DDR2: variants seen among roughly 807,000 people sequenced by gnomAD.
DDR2 encodes the protein discoidin domain-containing receptor 2.
In DDR2, 27 loss-of-function variants were observed where a neutral mutation model predicts 94.9. The observed-to-expected ratio is 0.28, with a 90% confidence interval of 0.21 to 0.39. The LOEUF (loss-of-function observed/expected upper bound fraction) is 0.39, where lower values mean the gene tolerates loss of function less well. DDR2 is among the 10% of genes least tolerant of loss of function. The pLI, the probability that DDR2 is intolerant of heterozygous loss-of-function variation, is 1.00. For missense variants in DDR2, 783 were observed against 1,076.0 expected (o/e 0.73, Z 3.81); for synonymous variants, 382 against 377.2 (o/e 1.01, Z -0.15).
chr1:162,710,574 A>T (rs576282114), intron 2 of DDR2, among the ~76,000 whole-genome samples: 170 of 152,322 alleles, frequency 1.1e-3, no homozygotes, highest in African/African-American at 3.7e-3. Context: ...TTAATATGAA[A>T]TACTCCAAAA....
At chr1:162,730,872 A>G (rs557031459) in intron 3 of DDR2, among the ~76,000 whole-genome samples, 1 of 152,300 alleles carries the variant, frequency 6.6e-6, no homozygotes, top group South Asian at 2.1e-4. Flanking sequence ...TGCTCGAGGG[A>G]TACCAGGTCT....
chr1:162,744,057 T>C (rs2102095495), intron 3 of DDR2, among the ~76,000 whole-genome samples: 1 of 152,344 alleles, frequency 6.6e-6, no homozygotes, highest in East Asian at 1.9e-4. Context: ...GTTCATTTTA[T>C]TGCTGAATAG....
chr1:162,773,924 G>A (rs1647372631), intron 14 of DDR2, among the ~76,000 whole-genome samples: 1 of 152,160 alleles, frequency 6.6e-6, no homozygotes, highest in African/African-American at 2.4e-5. Flanking sequence ...ACATACTCCT[G>A]CATGTCATTA....
At chr1:162,649,788 C>G (rs1000448336) in intron 1 of DDR2, among the ~76,000 whole-genome samples, 2 of 152,218 alleles carry the variant, frequency 1.3e-5, no homozygotes, top group African/African-American at 4.8e-5. Context: ...CCAACCACAT[C>G]ATGTGATATA....
intron 2 of DDR2, among the ~76,000 whole-genome samples, chr1:162,657,093 C>G (rs10753583): frequency 0.91 from 138,332 of 151,928 alleles, 63,599 homozygotes; most frequent in Middle Eastern, 0.98. Context: ...TACCACCGTG[C>G]CCTCCTAAAG....
chr1:162,671,500 G>A (rs528038232), intron 2 of DDR2, among the ~76,000 whole-genome samples: 8 of 152,270 alleles, frequency 5.3e-5, no homozygotes, highest in South Asian at 2.1e-4. Context: ...GGTGAAGGCC[G>A]AGAAGCTTCT....
chr1:162,674,463 T>G (rs956006837), intron 2 of DDR2, among the ~76,000 whole-genome samples: 1 of 152,206 alleles, frequency 6.6e-6, no homozygotes, highest in African/African-American at 2.4e-5. Context: ...GAAGAATGAA[T>G]GAGTGAGTTA....
chr1:162,692,279 C>A (rs1453061574), intron 2 of DDR2, among the ~76,000 whole-genome samples: 1 of 152,158 alleles, frequency 6.6e-6, no homozygotes, highest in African/African-American at 2.4e-5. Flanking sequence ...CAGCTCCAAG[C>A]CACAGAAAGC....
intron 6 of DDR2, 65 bp downstream of exon 6, chr1:162,755,368 C>CA: frequency 2.5e-6 from 4 of 1,588,444 alleles, no homozygotes; most frequent in Non-Finnish European, 3.4e-6. Flanking sequence ...GAAATGAAGG[C>CA]AATCAAATCA....
chr1:162,761,606 A>G (rs572686279), intron 9 of DDR2, 152 bp downstream of exon 9: 1 of 1,263,430 alleles, frequency 7.9e-7, no homozygotes, highest in Admixed American at 2.0e-5. Flanking sequence ...TTGTGTGACT[A>G]GTTTTAACTG....
intron 1 of DDR2, among the ~76,000 whole-genome samples, chr1:162,646,493 T>C (rs1390135514): frequency 6.6e-6 from 1 of 152,236 alleles, no homozygotes; most frequent in African/African-American, 2.4e-5. Flanking sequence ...CTATTTTACA[T>C]GTGAGGACAC....
intron 10 of DDR2, 86 bp downstream of exon 10, chr1:162,766,149 G>A (rs1663979271): frequency 6.9e-7 from 1 of 1,447,762 alleles, no homozygotes; most frequent in East Asian, 2.3e-5. Flanking sequence ...AGCCCTGGCT[G>A]TGTGGGAGGC....
chr1:162,743,284 C>A (rs2665496), intron 3 of DDR2, among the ~76,000 whole-genome samples: 127,808 of 151,860 alleles, frequency 0.84, 54,571 homozygotes, highest in Non-Finnish European at 0.92. Flanking sequence ...GGATATCCTC[C>A]TTCTTCAAGC....
chr1:162,729,294 ATATATATTTTTTTTTT>A (rs1293343367), intron 3 of DDR2, among the ~76,000 whole-genome samples: 3 of 30,016 alleles, frequency 1.0e-4, no homozygotes, highest in Non-Finnish European at 2.7e-4. Flanking sequence ...ATATATATAT[ATATATATTTTTTTTTT>A]TTTTTTTTTT....
chr1:162,734,187 A>G (rs1440458454), intron 3 of DDR2, among the ~76,000 whole-genome samples: 2 of 152,220 alleles, frequency 1.3e-5, no homozygotes, highest in Non-Finnish European at 2.9e-5. Context: ...GCAGGTAAAG[A>G]TAGGTTGCAA....
At chr1:162,771,037 G>A (rs1510323) in intron 12 of DDR2, among the ~76,000 whole-genome samples, 145,445 of 152,284 alleles carry the variant, frequency 0.96, 69,820 homozygotes, top group East Asian at 1. Context: ...TTTGGTAAAC[G>A]TTTATTAGAG....
At chr1:162,778,324 A>G (rs1171576991) in intron 16 of DDR2, among the ~76,000 whole-genome samples, 1 of 152,100 alleles carries the variant, frequency 6.6e-6, no homozygotes, top group Non-Finnish European at 1.5e-5. Flanking sequence ...TTGACCTAAC[A>G]CTCAGTTGCA....
chr1:162,641,314 A>C (rs368138003), intron 1 of DDR2, among the ~76,000 whole-genome samples: 1 of 152,174 alleles, frequency 6.6e-6, no homozygotes, highest in Non-Finnish European at 1.5e-5. Context: ...ATAAGACTTG[A>C]GTCGCTATGA....
intron 2 of DDR2, among the ~76,000 whole-genome samples, chr1:162,673,379 G>A (rs531449348): frequency 2.0e-5 from 3 of 152,156 alleles, no homozygotes; most frequent in South Asian, 2.1e-4. Context: ...ACATAGGGCC[G>A]ATTTCTCTTA....
Sources: allele counts gnomAD v4.1 joint callset (sites outside exome capture counted in the v4.1 genomes callset), GRCh38; gene constraint gnomAD v4.1.1; transcripts MANE v1.5; gene names NCBI Gene and HGNC (gene_info 2026-07-23, HGNC 2026-07-21).